The following MFSD6 variants were observed in gnomAD, a reference collection of about 807,000 sequenced individuals.
The protein encoded by MFSD6 is major facilitator superfamily domain containing 6.
MFSD6 carries 26 observed loss-of-function variants against 56.3 expected under a neutral mutation model. The ratio of observed to expected loss-of-function variants is 0.46; its 90% confidence interval spans 0.34 to 0.64. MFSD6 has a LOEUF of 0.64. MFSD6 is among the 30% of genes least tolerant of loss of function. The probability of loss-of-function intolerance (pLI) is 0.01; values close to 1 mark genes in which losing one functional copy is unlikely to be tolerated. For synonymous variants in MFSD6, 331 were observed against 366.9 expected (o/e 0.90, Z 1.12); for missense variants, 750 against 986.2 (o/e 0.76, Z 3.21).
At position 190,465,925 on chromosome 2, in the gene MFSD6, G is replaced by A. The variant is rs1173536599; in HGVS notation, c.1533-3833G>A. Among the ~76,000 whole-genome samples the A allele has an allele frequency of 9.2e-5, 14 of 152,044 alleles. No individual in the cohort carries two copies. Among genetic ancestry groups the A allele is most frequent in the Non-Finnish European group, 2.1e-4 (14 of 67,986 alleles). On this transcript the variant is annotated intron_variant, in intron 3 of 7. Coordinates refer to ENST00000392328, the MANE Select transcript of MFSD6 (RefSeq NM_017694.4). The surrounding 1 kb of genome is among the most constrained non-coding windows in gnomAD (Gnocchi z 4.6). ...GAAGAATCGCTTGAATCCGGGAGGC[G>A]GTGGTTACAGCAAACCAAGATCATG...
chr2:190,467,561 C>T lies in MFSD6; in HGVS notation c.1533-2197C>T, dbSNP rs953805469. ...CTGGGAGGCGGAGGTTTCAGTGAGC[C>T]GAGATCGTGCCACTGCTCTCTAGCC... On this transcript the variant is annotated intron_variant, in intron 3 of 7. Transcript: ENST00000392328. The surrounding 1 kb of genome is among the most constrained non-coding windows in gnomAD (Gnocchi z 5.5). Among the ~76,000 whole-genome samples the T allele has an allele frequency of 1.3e-5, 2 of 151,984 alleles. No individual in the cohort carries two copies. Among genetic ancestry groups the T allele is most frequent in the South Asian group, 2.1e-4 (1 of 4,818 alleles).
chr2:190,421,006 A>G (rs62180992), intron 2 of MFSD6, among the ~76,000 whole-genome samples: 25,490 of 152,214 alleles, frequency 0.17, 2,255 homozygotes, highest in East Asian at 0.29. Context: ...ATCTGGACTT[A>G]TGTAACCAGA....
chr2:190,428,692 G>T (rs1345300410), intron 2 of MFSD6, among the ~76,000 whole-genome samples: 3 of 140,222 alleles, frequency 2.1e-5, no homozygotes, highest in Non-Finnish European at 3.2e-5. Context: ...TTTATTTATT[G>T]AGACAGAGTT....
intron 1 of MFSD6, among the ~76,000 whole-genome samples, chr2:190,409,073 G>GA (rs939520776): frequency 2.0e-4 from 31 of 151,228 alleles, no homozygotes; most frequent in East Asian, 1.7e-3. Context: ...AATAAATACG[G>GA]AAAAAAAAAT....
chr2:190,407,886 G>C (rs1212375554), upstream of MFSD6, among the ~76,000 whole-genome samples: 2 of 152,230 alleles, frequency 1.3e-5, no homozygotes, highest in Non-Finnish European at 2.9e-5. This position sits in a 1 kb window ranked among gnomAD's most constrained non-coding sequence, Gnocchi z 5.4. Context: ...GGCGCTCAAG[G>C]AATAAGGGAT....
rs1453029575 is a variant in MFSD6, at chr2:190,436,120, A to G, written c.91A>G (p.Arg31Gly). 2 of 1,614,258 alleles carry G rather than the reference A, an allele frequency of 1.2e-6. No homozygotes were observed. The highest frequency in any genetic ancestry group is 3.3e-5 in the Admixed American group (2 of 60,020). The change falls in exon 3 of 8, where the codon AGG becomes GGG. Residue 31 changes from arginine (R) to glycine (G), a missense_variant. Arg to Gly is a moderately radical substitution (Grantham distance 125). Transcript: ENST00000392328. This position sits in a 1 kb window ranked among gnomAD's most constrained non-coding sequence, Gnocchi z 5.3. ...VLADPFNGISREPEPPSNETP... is the reference protein window; with the variant it reads ...VLADPFNGISGEPEPPSNETP... Reference sequence around the variant, plus strand: ...TGCAGATCCCTTTAATGGTATTTCCAGGGAACCAGAACCACCTTCGAATGA... The same window carrying G: ...TGCAGATCCCTTTAATGGTATTTCCGGGGAACCAGAACCACCTTCGAATGA...
At chr2:190,445,744 T>A (rs573192456) in intron 3 of MFSD6, among the ~76,000 whole-genome samples, 38 of 152,332 alleles carry the variant, frequency 2.5e-4, no homozygotes, top group South Asian at 2.3e-3. Context: ...GGAATTTTTT[T>A]AAAAAGTTAA....
In MFSD6 at chr2:190,447,926, G is replaced by T. The variant is rs922806912; in HGVS notation, c.1532+10365G>T. On this transcript the variant is annotated intron_variant, in intron 3 of 7. Coordinates refer to ENST00000392328, the MANE Select transcript of MFSD6 (RefSeq NM_017694.4). This position sits in a 1 kb window ranked among gnomAD's most constrained non-coding sequence, Gnocchi z 4.5. ...CTACCAGGCTGACTTATTAATAACA[G>T]CATTACTTATAATCAAGCTATTCAT... Among the ~76,000 whole-genome samples the T allele has an allele frequency of 1.3e-5, 2 of 152,142 alleles. No individual in the cohort carries two copies. The highest frequency in any genetic ancestry group is 4.8e-5 in the African/African-American group (2 of 41,408).
rs1461215013 is a variant in MFSD6 at position 190,433,940 on chromosome 2, C to T, written c.-53-2037C>T. Among the ~76,000 whole-genome samples, 9 of 152,118 alleles carry T rather than the reference C, an allele frequency of 5.9e-5. No homozygotes were observed. Among genetic ancestry groups the T allele is most frequent in the African/African-American group, 2.2e-4 (9 of 41,514 alleles). The stretch of plus-strand genomic sequence containing the variant: ...GTGCAGTGGTTCACGCCTGTAATCC[C>T]AGCACTTTGGGAGGCTGAGGCAAGA... On this transcript the variant is annotated intron_variant, in intron 2 of 7. Coordinates refer to ENST00000392328, the MANE Select transcript of MFSD6 (RefSeq NM_017694.4). The surrounding 1 kb of genome is among the most constrained non-coding windows in gnomAD (Gnocchi z 4.5).
rs187054406 is a variant in MFSD6 at position 190,425,978 on chromosome 2, A to T, written c.-53-9999A>T. On this transcript the variant is annotated intron_variant, in intron 2 of 7. Transcript: ENST00000392328. The surrounding 1 kb of genome is among the most constrained non-coding windows in gnomAD (Gnocchi z 4.3). ...TAAGTTGTTTCTCTCTGCTTTCAAA[A>T]TTTTTTTCCTTGCCTTTAGTTTTTA... Among the ~76,000 whole-genome samples, 10 of 151,830 alleles carry T rather than the reference A, an allele frequency of 6.6e-5. No individual in the cohort carries two copies. In the East Asian group the frequency reaches 1.6e-3, roughly 24 times the overall value.
rs1690783389 is a variant in MFSD6, at chr2:190,416,559, C to T, written c.-54+1146C>T. On this transcript the variant is annotated intron_variant, in intron 2 of 7. Coordinates refer to ENST00000392328, the MANE Select transcript of MFSD6 (RefSeq NM_017694.4). This position sits in a 1 kb window ranked among gnomAD's most constrained non-coding sequence, Gnocchi z 4.1. ...CTGTAGACATGAAAACAGACATGAA[C>T]ATAAATTCATGAGCACAGATGGATG... Among the ~76,000 whole-genome samples, 1 of 152,190 alleles carries T rather than the reference C, an allele frequency of 6.6e-6. No individual in the cohort carries two copies. The highest frequency in any genetic ancestry group is 6.5e-5 in the Admixed American group (1 of 15,284).
Position 190,423,611 on chromosome 2 carries a change from T to C in MFSD6, c.-54+8198T>C, listed in dbSNP as rs1685701716. Among the ~76,000 whole-genome samples the C allele has an allele frequency of 6.6e-6, 1 of 152,232 alleles. No individual in the cohort carries two copies. The highest frequency in any genetic ancestry group is 2.1e-4 in the South Asian group (1 of 4,830). On this transcript the variant is annotated intron_variant, in intron 2 of 7. Transcript: ENST00000392328. This position sits in a 1 kb window ranked among gnomAD's most constrained non-coding sequence, Gnocchi z 4.3. Reference sequence around the variant, plus strand: ...GCTGCTATAAACATTTATGCATGGGTTTCTGTGTGAAAATAAGTTTTCATT... The same window carrying C: ...GCTGCTATAAACATTTATGCATGGGCTTCTGTGTGAAAATAAGTTTTCATT...
At chr2:190,453,175 C>T (rs184638502) in intron 3 of MFSD6, among the ~76,000 whole-genome samples, 137 of 152,162 alleles carry the variant, frequency 9.0e-4, no homozygotes, top group African/African-American at 3.2e-3. Context: ...CAGAGTTCTT[C>T]TGAGCAGGAC....
chr2:190,417,994 GTGTGTGT>G lies in MFSD6; in HGVS notation c.-54+2582_-54+2588del. On this transcript the variant is annotated intron_variant, in intron 2 of 7. Transcript: ENST00000392328. The surrounding 1 kb of genome is among the most constrained non-coding windows in gnomAD (Gnocchi z 5.7). The stretch of plus-strand genomic sequence containing the variant: ...TGTGTGTGTGTGTGTGTGTGTGTGT[GTGTGTGT>G]ATGTGAGAGAGAGAGAGATGTGGTT... 6.6e-6 allele frequency among the ~76,000 whole-genome samples: 1 copy of G among 150,910 alleles called. No individual in the cohort carries two copies. Among genetic ancestry groups the G allele is most frequent in the East Asian group, 1.9e-4 (1 of 5,140 alleles).
intron 3 of MFSD6, among the ~76,000 whole-genome samples, chr2:190,455,248 TTTCA>T (rs1408753103): frequency 6.6e-6 from 1 of 151,056 alleles, no homozygotes; most frequent in African/African-American, 2.4e-5. Context: ...TTACTATGAC[TTTCA>T]TTATTACTAT....
rs1689690142 is a variant in MFSD6 at position 190,496,579 on chromosome 2, C to A, written c.1892-860C>A. 6.6e-6 allele frequency among the ~76,000 whole-genome samples: 1 copy of A among 152,038 alleles called. No homozygotes were observed. On this transcript the variant is annotated intron_variant, in intron 6 of 7. Transcript: ENST00000392328. The surrounding 1 kb of genome is among the most constrained non-coding windows in gnomAD (Gnocchi z 4.7). The stretch of plus-strand genomic sequence containing the variant: ...CAAAAATGTGGAACCAGCCCAAATG[C>A]CCATCAATCAATGAGTGGATAAAGA...
intron 3 of MFSD6, among the ~76,000 whole-genome samples, chr2:190,442,341 G>A (rs537360623): frequency 5.9e-5 from 9 of 152,230 alleles, no homozygotes; most frequent in South Asian, 2.1e-4. Context: ...AAAGGGAAGC[G>A]TGTTGGAAAA....
At position 190,423,957 on chromosome 2, in the gene MFSD6, T is replaced by C. The variant is rs1685709840; in HGVS notation, c.-54+8544T>C. ...CCTGTCTATCCTCTTCAGTGAAATGTCCCTTCACGTTTTTTGTCCATTTTC... is the reference window on the plus strand; with the variant it reads ...CCTGTCTATCCTCTTCAGTGAAATGCCCCTTCACGTTTTTTGTCCATTTTC... On this transcript the variant is annotated intron_variant, in intron 2 of 7. Transcript: ENST00000392328. The surrounding 1 kb of genome is among the most constrained non-coding windows in gnomAD (Gnocchi z 4.3). Among the ~76,000 whole-genome samples the C allele has an allele frequency of 6.6e-6, 1 of 152,238 alleles. No homozygotes were observed. The highest frequency in any genetic ancestry group is 6.5e-5 in the Admixed American group (1 of 15,290).
rs58876818 is a variant in MFSD6 at position 190,495,018 on chromosome 2, G to A, written c.1892-2421G>A. ...TAGCCAGAGCAGTCAGACAAGAGAAGGAAATAAAGGGCATCCAAATAGGTA... is the reference window on the plus strand; with the variant it reads ...TAGCCAGAGCAGTCAGACAAGAGAAAGAAATAAAGGGCATCCAAATAGGTA... On this transcript the variant is annotated intron_variant, in intron 6 of 7. Coordinates refer to ENST00000392328, the MANE Select transcript of MFSD6 (RefSeq NM_017694.4). The surrounding 1 kb of genome is among the most constrained non-coding windows in gnomAD (Gnocchi z 4.7). Among the ~76,000 whole-genome samples the A allele has an allele frequency of 0.016, 2,485 of 152,162 alleles. 71 individuals carry two copies. The highest frequency in any genetic ancestry group is 0.056 in the African/African-American group (2,312 of 41,540).
Sources: allele counts gnomAD v4.1 joint callset (sites outside exome capture counted in the v4.1 genomes callset), GRCh38; gene constraint gnomAD v4.1.1; non-coding constraint Gnocchi (gnomAD v3.1); transcripts MANE v1.5; gene names NCBI Gene and HGNC (gene_info 2026-07-23, HGNC 2026-07-21).